The following MEIS2 variants were observed in gnomAD, a reference collection of about 807,000 sequenced individuals.
The protein encoded by MEIS2 is homeobox protein Meis2.
MEIS2 carries 9 observed loss-of-function variants against 58.6 expected under a neutral mutation model. That is an observed-to-expected ratio of 0.15 (90% CI 0.09 to 0.27). The LOEUF (loss-of-function observed/expected upper bound fraction) is 0.27. Ranked by LOEUF, MEIS2 falls within the 10% of genes least tolerant of loss-of-function variation. The pLI, the probability that MEIS2 is intolerant of heterozygous loss-of-function variation, is 1.00. For missense variants in MEIS2, 427 were observed against 635.0 expected, an observed-to-expected ratio of 0.67 and a Z score of 3.52; for synonymous variants, 221 against 228.4, an observed-to-expected ratio of 0.97 and a Z score of 0.29.
rs186049918 is a variant in MEIS2, at chr15:36,941,400, A to T, written c.977+8924T>A. On this transcript the variant is annotated intron_variant, in intron 9 of 11. Transcript: ENST00000561208. ...GAATCAGATCAAAACAACAACCACAACCACTACCACCACCACCATGACTAT... is the reference window on the plus strand; with the variant it reads ...GAATCAGATCAAAACAACAACCACATCCACTACCACCACCACCATGACTAT... Among the ~76,000 whole-genome samples, 23 of 152,216 alleles carry T rather than the reference A, an allele frequency of 1.5e-4. No individual in the cohort carries two copies. The East Asian group carries it at 3.3e-3, about 22-fold the overall frequency.
chr15:37,096,373 G>A lies in MEIS2; in HGVS notation c.303C>T (p.Cys101=). 1 of 1,613,996 alleles carries A rather than the reference G, an allele frequency of 6.2e-7. No individual in the cohort carries two copies. Among genetic ancestry groups the A allele is most frequent in the Non-Finnish European group, 8.5e-7 (1 of 1,179,962 alleles). Residue 101 remains cysteine, a synonymous_variant, in exon 3 of 12, where the codon TGC becomes TGT. Coordinates refer to ENST00000561208, the MANE Select transcript of MEIS2 (RefSeq NM_170675.5). ...LVFEKCELAT[C]TPREPGVAGG... The stretch of plus-strand genomic sequence containing the variant: ...CAGCCACTCCAGGTTCCCGGGGAGT[G>A]CAGGTCGCCAGCTCGCACTTCTCAA...
chr15:36,945,909 G>A (rs937756789), intron 9 of MEIS2, among the ~76,000 whole-genome samples: 4 of 151,918 alleles, frequency 2.6e-5, no homozygotes, highest in African/African-American at 9.7e-5. Flanking sequence ...TTTATTCCTA[G>A]TATACCTGTA....
chr15:37,052,598 G>A (rs752719904), intron 7 of MEIS2, among the ~76,000 whole-genome samples: 2 of 152,136 alleles, frequency 1.3e-5, no homozygotes, highest in East Asian at 1.9e-4. Context: ...ACTTACTATC[G>A]GCCAATTATG....
chr15:37,081,540 A>G (rs2141909192), intron 7 of MEIS2, among the ~76,000 whole-genome samples: 1 of 152,314 alleles, frequency 6.6e-6, no homozygotes, highest in East Asian at 1.9e-4. Context: ...ATGACAACAT[A>G]CACTCAAGTC....
chr15:36,943,842 C>T (rs912690757), intron 9 of MEIS2, among the ~76,000 whole-genome samples: 2 of 152,034 alleles, frequency 1.3e-5, no homozygotes, highest in South Asian at 2.1e-4. Context: ...TGAGTCCCCT[C>T]GCTGGCATTC....
intron 8 of MEIS2, among the ~76,000 whole-genome samples, chr15:37,000,947 G>A (rs1677145623): frequency 6.6e-6 from 1 of 151,988 alleles, no homozygotes; most frequent in South Asian, 2.1e-4. Context: ...TCTGGCTTCT[G>A]CCCTTGTCAC....
intron 8 of MEIS2, among the ~76,000 whole-genome samples, chr15:37,010,630 C>T (rs1031970204): frequency 5.9e-5 from 9 of 152,214 alleles, no homozygotes; most frequent in African/African-American, 1.9e-4. Flanking sequence ...CCACCCCCAT[C>T]GGCCTCCGCC....
At chr15:37,000,542 A>G (rs1305024412) in intron 8 of MEIS2, among the ~76,000 whole-genome samples, 1 of 152,136 alleles carries the variant, frequency 6.6e-6, no homozygotes, top group African/African-American at 2.4e-5. Context: ...TGAAATAACC[A>G]AAGTCAAAAT....
At chr15:36,923,223 G>A (rs2057593871) in intron 9 of MEIS2, among the ~76,000 whole-genome samples, 1 of 152,116 alleles carries the variant, frequency 6.6e-6, no homozygotes. Context: ...AACCAAGGAG[G>A]AAGCAATGCA....
chr15:37,076,235 C>G (rs1028644600), intron 7 of MEIS2, among the ~76,000 whole-genome samples: 3 of 152,000 alleles, frequency 2.0e-5, no homozygotes, highest in Admixed American at 6.6e-5. Context: ...AACAAACTCT[C>G]TGAGGGTAGA....
intron 8 of MEIS2, among the ~76,000 whole-genome samples, chr15:37,008,591 A>T (rs1416937880): frequency 6.6e-6 from 1 of 152,260 alleles, no homozygotes; most frequent in Non-Finnish European, 1.5e-5. Flanking sequence ...CTTTAGATAA[A>T]GACTTTCACT....
chr15:37,071,861 C>T (rs916733362), intron 7 of MEIS2, among the ~76,000 whole-genome samples: 29 of 152,060 alleles, frequency 1.9e-4, no homozygotes, highest in African/African-American at 5.8e-4. Flanking sequence ...ATGCATCAAG[C>T]GTTTCCACTT....
chr15:37,092,489 T>C (rs1214355848), intron 6 of MEIS2, among the ~76,000 whole-genome samples: 1 of 152,016 alleles, frequency 6.6e-6, no homozygotes, highest in Admixed American at 6.5e-5. Flanking sequence ...GCCACAAAGT[T>C]ATTAAACTAC....
chr15:36,934,924 A>G (rs2058106750), intron 9 of MEIS2, among the ~76,000 whole-genome samples: 1 of 152,188 alleles, frequency 6.6e-6, no homozygotes, highest in African/African-American at 2.4e-5. Context: ...TGGGAATGTT[A>G]ATATTATTCA....
intron 8 of MEIS2, among the ~76,000 whole-genome samples, chr15:37,008,120 A>C (rs74634271): frequency 0.021 from 3,123 of 152,334 alleles, 53 homozygotes; most frequent in Non-Finnish European, 0.031. Context: ...AGAATGTTTA[A>C]AGAATATTTC....
At chr15:36,938,653 A>G (rs1402689942) in intron 9 of MEIS2, among the ~76,000 whole-genome samples, 1 of 152,194 alleles carries the variant, frequency 6.6e-6, no homozygotes, top group African/African-American at 2.4e-5. Flanking sequence ...TTCAAAATAC[A>G]ATGGTTAAAA....
rs1289452393 is a variant in MEIS2, at chr15:37,091,061, G to T, written c.639+2520C>A. ...AAAGCAAATGAAAAATAAACCTGAA[G>T]ATTCAAATTGGGCACATTTACATGC... On this transcript the variant is annotated intron_variant, in intron 6 of 11. Coordinates refer to ENST00000561208, the MANE Select transcript of MEIS2 (RefSeq NM_170675.5). Among the ~76,000 whole-genome samples the T allele has an allele frequency of 2.6e-5, 4 of 152,086 alleles. No individual in the cohort carries two copies. In the East Asian group the frequency reaches 7.7e-4, roughly 29 times the overall value.
chr15:36,900,854 T>C (rs1595679470), intron 9 of MEIS2: 1 of 152,240 alleles, frequency 6.6e-6, no homozygotes, highest in East Asian at 1.9e-4. Context: ...TTCTTTTCTT[T>C]ATTCCTTTCT....
At chr15:37,010,512 A>G (rs1482592754) in intron 8 of MEIS2, among the ~76,000 whole-genome samples, 1 of 152,082 alleles carries the variant, frequency 6.6e-6, no homozygotes, top group Non-Finnish European at 1.5e-5. Context: ...CCTCTGGAGT[A>G]ACTGGGACTA....
Sources: allele counts gnomAD v4.1 joint callset (sites outside exome capture counted in the v4.1 genomes callset), GRCh38; gene constraint gnomAD v4.1.1; transcripts MANE v1.5; gene names NCBI Gene and HGNC (gene_info 2026-07-23, HGNC 2026-07-21).